TRAP1: variants seen among roughly 807,000 people sequenced by gnomAD.
TRAP1 encodes TNF receptor associated protein 1, also known as heat shock protein 75 kDa, mitochondrial.
Under a neutral mutation model 89.1 loss-of-function variants are expected in TRAP1, and 102 were observed. That is an observed-to-expected ratio of 1.15 (90% CI 0.98 to 1.35). The LOEUF (loss-of-function observed/expected upper bound fraction) is 1.35, where lower values mean the gene tolerates loss of function less well. Among genes scored for constraint, TRAP1 ranks in the 40% most tolerant of loss-of-function variants. TRAP1 has a pLI of 0.00. For synonymous variants in TRAP1, 508 were observed against 388.0 expected (o/e 1.31, Z -3.64); for missense variants, 1,256 against 945.3 (o/e 1.33, Z -4.31).
intron 1 of TRAP1, among the ~76,000 whole-genome samples, chr16:3,714,458 A>T (rs2051571353): frequency 6.6e-6 from 1 of 152,158 alleles, no homozygotes; most frequent in Non-Finnish European, 1.5e-5. Flanking sequence ...CAGGAGTTCG[A>T]GACCACCCTG....
In TRAP1 at chr16:3,689,138, C is replaced by A; in HGVS notation, c.248-1G>T. The stretch of plus-strand genomic sequence containing the variant: ...TGGAACTCATGTTTGGAAGTGGAAC[C>A]TAGTAATGAAACACAGACACAACCA... On this transcript the variant is annotated splice_acceptor_variant, in intron 2 of 17. Coordinates refer to ENST00000246957, the MANE Select transcript of TRAP1 (RefSeq NM_016292.3). LOFTEE classifies it high-confidence loss of function. 1 of 1,612,950 alleles carries A rather than the reference C, an allele frequency of 6.2e-7. No homozygotes were observed. The highest frequency in any genetic ancestry group is 2.2e-5 in the East Asian group (1 of 44,866).
chr16:3,663,389 A>G (rs1480678550), intron 14 of TRAP1, 35 bp downstream of exon 14: 30 of 1,612,554 alleles, frequency 1.9e-5, no homozygotes, highest in Non-Finnish European at 2.5e-5. Context: ...GGGAGTGGAA[A>G]CCAGCCCCAC....
At chr16:3,699,720 T>A in intron 1 of TRAP1, among the ~76,000 whole-genome samples, 1 of 151,442 alleles carries the variant, frequency 6.6e-6, no homozygotes, top group South Asian at 2.1e-4. Flanking sequence ...CAGGCTGGAG[T>A]GCAGTGGTAC....
chr16:3,667,987 G>A (rs890590584), intron 11 of TRAP1, among the ~76,000 whole-genome samples: 6 of 149,352 alleles, frequency 4.0e-5, no homozygotes, highest in African/African-American at 1.5e-4. Context: ...GGAGTGCAGT[G>A]GCGTGATTTT....
intron 1 of TRAP1, among the ~76,000 whole-genome samples, chr16:3,691,621 A>G (rs2051215699): frequency 6.6e-6 from 1 of 152,166 alleles, no homozygotes. Context: ...CAGCCCCTGC[A>G]GAAGCCCCCG....
intron 9 of TRAP1, among the ~76,000 whole-genome samples, chr16:3,674,087 T>C (rs989294510): frequency 1.3e-5 from 2 of 152,112 alleles, no homozygotes; most frequent in Admixed American, 6.6e-5. Context: ...GCATCTGTTC[T>C]TTTTTTCTTT....
chr16:3,708,615 C>T (rs1052753665), intron 1 of TRAP1, among the ~76,000 whole-genome samples: 2 of 151,374 alleles, frequency 1.3e-5, no homozygotes, highest in Non-Finnish European at 2.9e-5. Context: ...CCAGCCTGGG[C>T]GACGGAGCGA....
chr16:3,709,984 A>C lies in TRAP1; in HGVS notation c.88+7437T>G, dbSNP rs547284194. Among the ~76,000 whole-genome samples, 4 of 152,310 alleles carry C rather than the reference A, an allele frequency of 2.6e-5. No individual in the cohort carries two copies. The East Asian group carries it at 7.7e-4, about 29-fold the overall frequency. ...TTAAGTACATGAACATTCTGAACAG[A>C]AAGACCTGTATTCCCTCACAAATGT... On this transcript the variant is annotated intron_variant, in intron 1 of 17. Transcript: ENST00000246957.
At chr16:3,676,296 C>A in intron 6 of TRAP1, 151 bp from the exon 7 acceptor site, 1 of 521,956 alleles carries the variant, frequency 1.9e-6, no homozygotes, top group Non-Finnish European at 3.3e-6. Context: ...CAGCGCACCA[C>A]TCAGGCCATC....
intron 3 of TRAP1, among the ~76,000 whole-genome samples, chr16:3,686,558 C>T (rs999990428): frequency 2.0e-5 from 3 of 152,198 alleles, no homozygotes; most frequent in Admixed American, 6.5e-5. Flanking sequence ...CTCAAGTGAT[C>T]GTTGTGCCTC....
intron 11 of TRAP1, among the ~76,000 whole-genome samples, chr16:3,669,585 A>G (rs541398397): frequency 1.8e-4 from 28 of 152,246 alleles, no homozygotes; most frequent in Admixed American, 1.6e-3. Context: ...CTGTAATCCC[A>G]GAACTTTGGG....
chr16:3,670,281 G>A (rs1300857197), intron 11 of TRAP1, among the ~76,000 whole-genome samples: 1 of 149,314 alleles, frequency 6.7e-6, no homozygotes, highest in African/African-American at 2.5e-5. Flanking sequence ...GAGACGGGAG[G>A]CTGAGACAGG....
intron 1 of TRAP1, among the ~76,000 whole-genome samples, chr16:3,699,859 G>C (rs9936315): frequency 1.4e-5 from 2 of 146,638 alleles, no homozygotes; most frequent in Non-Finnish European, 3.0e-5. Context: ...TTTTTTCCTA[G>C]AGATAGGGTG....
intron 5 of TRAP1, chr16:3,678,252 A>C (rs1738195557): frequency 6.6e-6 from 1 of 152,628 alleles, no homozygotes; most frequent in Non-Finnish European, 1.5e-5. Context: ...TGCCAGGTGC[A>C]ATGCGACAGC....
chr16:3,676,200 T>C (rs2050991437), intron 6 of TRAP1, 55 bp from the exon 7 acceptor site: 1 of 1,490,768 alleles, frequency 6.7e-7, no homozygotes, highest in Admixed American at 1.8e-5. Flanking sequence ...GGACATACCC[T>C]GCATGGGACT....
intron 1 of TRAP1, 47 bp from the exon 2 acceptor site, chr16:3,691,032 G>T: frequency 7.1e-7 from 1 of 1,407,016 alleles, no homozygotes; most frequent in Non-Finnish European, 9.4e-7. Flanking sequence ...GAAGACACGA[G>T]AAACAATATG....
intron 16 of TRAP1, chr16:3,659,525 C>CAATATTTTT (rs1438094010): frequency 6.6e-6 from 1 of 152,082 alleles, no homozygotes; most frequent in Non-Finnish European, 1.5e-5. Context: ...GACGTCAGAA[C>CAATATTTTT]AATATTTTTT....
rs577258362 is a variant in TRAP1 at position 3,662,090 on chromosome 16, G to C, written c.1837C>G (p.Leu613Val). 6.8e-6 allele frequency: 11 copies of C among 1,613,256 alleles called. No individual in the cohort carries two copies. The highest frequency in any genetic ancestry group is 1.7e-5 in the Admixed American group (1 of 60,006). The change falls in exon 16 of 18, where the codon CTG (leucine) becomes GTG (valine). Residue 613 changes from leucine (L) to valine (V), a missense_variant. Coordinates refer to ENST00000246957, the MANE Select transcript of TRAP1 (RefSeq NM_016292.3). ...AAGTGGCGGGCAGCCCCCATCTCCA[G>C]CACGGTGACCATGGCAGGGTGGGTG... The part of the protein sequence containing the change: ...LDTHPAMVTV[L>V]EMGAARHFLR...
chr16:3,683,260 G>C (rs1443407828), intron 4 of TRAP1, among the ~76,000 whole-genome samples: 2 of 152,096 alleles, frequency 1.3e-5, no homozygotes, highest in Non-Finnish European at 2.9e-5. Context: ...ACAACTAAAT[G>C]TCATGTGGGA....
Sources: gnomAD v4.1 joint callset for allele counts (sites outside exome capture counted in the v4.1 genomes callset) on GRCh38, gnomAD v4.1.1 for gene constraint, MANE v1.5 for transcripts, NCBI Gene and HGNC (gene_info 2026-07-23, HGNC 2026-07-21) for gene names.